Variants in ADAM18 observed in about 807,000 individuals in gnomAD.
ADAM18 encodes the protein disintegrin and metalloproteinase domain-containing protein 18.
ADAM18 carries 117 observed loss-of-function variants against 94.4 expected under a neutral mutation model. The ratio of observed to expected loss-of-function variants is 1.24; its 90% CI spans 1.07 to 1.45. The LOEUF (loss-of-function observed/expected upper bound fraction) is 1.45, where lower values mean the gene tolerates loss of function less well. ADAM18 is among the 40% of genes most tolerant of loss of function. ADAM18 has a pLI of 0.00. For missense variants in ADAM18, 936 were observed against 880.0 expected (o/e 1.06, Z -0.81); for synonymous variants, 327 against 291.6 (o/e 1.12, Z -1.24).
At chr8:39,729,671 T>C (rs948903821) in intron 19 of ADAM18, among the ~76,000 whole-genome samples, 1 of 151,998 alleles carries the variant, frequency 6.6e-6, no homozygotes, top group African/African-American at 2.4e-5. Flanking sequence ...TTAGTTGGAC[T>C]CCTTATAATA....
intron 17 of ADAM18, among the ~76,000 whole-genome samples, chr8:39,694,558 G>A (rs947416892): frequency 6.6e-6 from 1 of 151,180 alleles, no homozygotes; most frequent in Non-Finnish European, 1.5e-5. Context: ...ATGCTATTTT[G>A]GTGGTGCTTC....
intron 1 of ADAM18, among the ~76,000 whole-genome samples, 161 bp downstream of exon 1, chr8:39,584,838 G>A (rs914340885): frequency 6.6e-6 from 1 of 152,158 alleles, no homozygotes; most frequent in Admixed American, 6.5e-5. Context: ...CGCCAGGCCA[G>A]GGGGAACTAA....
At chr8:39,585,566 A>G (rs1241872761) in intron 2 of ADAM18, among the ~76,000 whole-genome samples, 1 of 152,096 alleles carries the variant, frequency 6.6e-6, no homozygotes, top group Non-Finnish European at 1.5e-5. Flanking sequence ...TTAACATACT[A>G]CTTGTTCACA....
intron 16 of ADAM18, among the ~76,000 whole-genome samples, chr8:39,682,319 T>G (rs980710618): frequency 2.0e-5 from 3 of 152,312 alleles, no homozygotes; most frequent in African/African-American, 7.2e-5. Context: ...ATGTAATAAA[T>G]GCCAAAGAGA....
chr8:39,685,412 A>C (rs978223571), intron 16 of ADAM18: 1 of 152,300 alleles, frequency 6.6e-6, no homozygotes, highest in East Asian at 1.9e-4. Flanking sequence ...CATCATGAGC[A>C]GTAAGTGCCA....
intron 6 of ADAM18, chr8:39,611,426 A>G (rs573087440): frequency 2.0e-6 from 2 of 984,616 alleles, no homozygotes; most frequent in Admixed American, 1.2e-4. Context: ...GAATCCTGAA[A>G]AAAAAAATCC....
intron 2 of ADAM18, among the ~76,000 whole-genome samples, chr8:39,600,228 A>T (rs756264107): frequency 2.6e-5 from 4 of 152,092 alleles, no homozygotes; most frequent in Non-Finnish European, 5.9e-5. Context: ...ACAAAGTTTT[A>T]TGGATTATGG....
At chr8:39,708,795 C>A (rs1340466394) in intron 18 of ADAM18, among the ~76,000 whole-genome samples, 1 of 152,210 alleles carries the variant, frequency 6.6e-6, no homozygotes, top group Non-Finnish European at 1.5e-5. Flanking sequence ...GTGTTCCAAC[C>A]CTTGAAGGAG....
chr8:39,704,000 A>G (rs902844570), intron 17 of ADAM18, among the ~76,000 whole-genome samples: 6 of 152,152 alleles, frequency 3.9e-5, no homozygotes, highest in Non-Finnish European at 8.8e-5. Context: ...CACTCTCCCA[A>G]GAATGAACAA....
At position 39,638,471 on chromosome 8, in the gene ADAM18, G is replaced by A. The variant is rs1384361572; in HGVS notation, c.834G>A (p.Arg278=). ...PHDIAYLLVY[R]KHPKYVGATF... is the part of the protein sequence containing the mutation. ...AAAAATTATAATAATGTAGTTACAG[G>A]AAACATCCTAAATATGTGGGAGCAA... is the stretch of plus-strand genomic sequence containing the variant. The change falls in exon 10 of 20, where the codon AGG becomes AGA. Residue 278 remains arginine, a synonymous_variant. Transcript: ENST00000265707. 3.9e-6 allele frequency: 6 copies of A among 1,556,274 alleles called. No individual in the cohort carries two copies. Among genetic ancestry groups the A allele is most frequent in the East Asian group, 2.3e-5 (1 of 43,264 alleles).
At chr8:39,710,709 G>T (rs1350539438) in intron 18 of ADAM18, among the ~76,000 whole-genome samples, 1 of 152,142 alleles carries the variant, frequency 6.6e-6, no homozygotes, top group Non-Finnish European at 1.5e-5. Flanking sequence ...TACTATATTT[G>T]TTGGAGTATT....
intron 16 of ADAM18, among the ~76,000 whole-genome samples, chr8:39,684,219 T>C (rs117955300): frequency 0.014 from 2,075 of 152,236 alleles, 16 homozygotes; most frequent in Non-Finnish European, 0.022. Flanking sequence ...ATCTGTGAAA[T>C]GATCACTACC....
chr8:39,703,490 T>C (rs1191964426), intron 17 of ADAM18, among the ~76,000 whole-genome samples: 1 of 152,106 alleles, frequency 6.6e-6, no homozygotes, highest in Non-Finnish European at 1.5e-5. Context: ...TCTTGCCTGA[T>C]TGCCCTGCCC....
At chr8:39,729,288 A>G (rs1336845487) in intron 19 of ADAM18, among the ~76,000 whole-genome samples, 1 of 152,214 alleles carries the variant, frequency 6.6e-6, no homozygotes, top group East Asian at 1.9e-4. Context: ...ATATGAATGT[A>G]CTTAGTACTA....
intron 17 of ADAM18, among the ~76,000 whole-genome samples, chr8:39,693,248 A>G (rs1585986759): frequency 6.6e-6 from 1 of 151,676 alleles, no homozygotes; most frequent in East Asian, 1.9e-4. Flanking sequence ...GATATAGCCA[A>G]CATTGTAAGA....
At chr8:39,600,436 A>G (rs4282531) in intron 2 of ADAM18, among the ~76,000 whole-genome samples, 138,584 of 152,212 alleles carry the variant, frequency 0.91, 63,272 homozygotes, top group Middle Eastern at 0.98. Flanking sequence ...AGAGTATTGA[A>G]GCTTGGCATA....
intron 2 of ADAM18, among the ~76,000 whole-genome samples, chr8:39,598,738 A>T (rs1403140607): frequency 6.7e-6 from 1 of 149,290 alleles, no homozygotes; most frequent in Non-Finnish European, 1.5e-5. Context: ...ACTGCACTCT[A>T]GCTTTGGTGG....
At chr8:39,656,017 A>T (rs1395436067) in intron 12 of ADAM18, among the ~76,000 whole-genome samples, 2 of 152,100 alleles carry the variant, frequency 1.3e-5, no homozygotes, top group African/African-American at 4.8e-5. Flanking sequence ...TTAAAATTAG[A>T]GGAATTAATA....
At chr8:39,642,830 G>A (rs7815141) in intron 10 of ADAM18, among the ~76,000 whole-genome samples, 83,677 of 151,890 alleles carry the variant, frequency 0.55, 24,339 homozygotes, top group Non-Finnish European at 0.65. Context: ...GAATGTAAAT[G>A]GTAGTTTAAT....
Sources: gnomAD v4.1 joint callset for allele counts (sites outside exome capture counted in the v4.1 genomes callset) on GRCh38, gnomAD v4.1.1 for gene constraint, MANE v1.5 for transcripts, NCBI Gene and HGNC (gene_info 2026-07-23, HGNC 2026-07-21) for gene names.